Variants in TRPC6 observed in about 807,000 individuals in gnomAD.
TRPC6 encodes the protein transient receptor potential cation channel subfamily C member 6.
In TRPC6, 55 loss-of-function variants were observed where a neutral mutation model predicts 90.7. That is an observed-to-expected ratio of 0.61 (90% CI 0.49 to 0.76). TRPC6 has a LOEUF of 0.76. TRPC6 is among the 30% of genes least tolerant of loss of function. TRPC6 has a pLI of 0.00. For synonymous variants in TRPC6, 393 were observed against 393.0 expected (o/e 1.00, Z 0.00); for missense variants, 989 against 1,122.7 (o/e 0.88, Z 1.70).
chr11:101,512,187 G>A (rs61287419), intron 1 of TRPC6, among the ~76,000 whole-genome samples: 2 of 151,860 alleles, frequency 1.3e-5, no homozygotes, highest in East Asian at 1.9e-4. Context: ...TTCTCCTCAC[G>A]AACTCTTCTC....
At chr11:101,558,534 CA>C (rs71056631) in intron 1 of TRPC6, among the ~76,000 whole-genome samples, 109,515 of 109,660 alleles carry the variant, frequency 1, 54,685 homozygotes, top group East Asian at 1. Flanking sequence ...AAGCCCAGGA[CA>C]TGATTTATGT....
intron 10 of TRPC6, among the ~76,000 whole-genome samples, chr11:101,467,725 G>A (rs959249122): frequency 3.3e-5 from 5 of 152,110 alleles, no homozygotes; most frequent in African/African-American, 4.8e-5. Flanking sequence ...GCCACATATG[G>A]TCTCTCTCAC....
chr11:101,562,037 G>A (rs992853394), intron 1 of TRPC6, among the ~76,000 whole-genome samples: 1 of 151,990 alleles, frequency 6.6e-6, no homozygotes, highest in Non-Finnish European at 1.5e-5. Context: ...ACAAAAAGAT[G>A]GTGCTGGTTG....
chr11:101,518,731 C>T (rs2136772529), intron 1 of TRPC6, among the ~76,000 whole-genome samples: 1 of 152,278 alleles, frequency 6.6e-6, no homozygotes, highest in African/African-American at 2.4e-5. Context: ...AAAGAGGTAG[C>T]TGCACTCCCA....
chr11:101,529,706 G>A (rs746828105), intron 1 of TRPC6, among the ~76,000 whole-genome samples: 1 of 152,170 alleles, frequency 6.6e-6, no homozygotes, highest in East Asian at 1.9e-4. Context: ...ATCACAGTTG[G>A]CAGGATAATG....
At chr11:101,538,326 G>A (rs1861098309) in intron 1 of TRPC6, among the ~76,000 whole-genome samples, 1 of 152,052 alleles carries the variant, frequency 6.6e-6, no homozygotes, top group Non-Finnish European at 1.5e-5. Flanking sequence ...TGTGAAATTA[G>A]TTTCTTTGAA....
rs143235722 is a variant in TRPC6, at chr11:101,529,867, G to C, written c.171-25069C>G. 3.4e-3 allele frequency among the ~76,000 whole-genome samples: 517 copies of C among 152,306 alleles called. 6 individuals carry two copies. The highest frequency in any genetic ancestry group is 0.012 in the African/African-American group (496 of 41,574). ...AAAACCAAGGAGGCTCATTTTAATAGGGCAGGCCCACACTTGGGTGGCAAT... is the reference window on the plus strand; with the variant it reads ...AAAACCAAGGAGGCTCATTTTAATACGGCAGGCCCACACTTGGGTGGCAAT... On this transcript the variant is annotated intron_variant, in intron 1 of 12. Coordinates refer to ENST00000344327, the MANE Select transcript of TRPC6 (RefSeq NM_004621.6).
intron 1 of TRPC6, among the ~76,000 whole-genome samples, chr11:101,543,480 G>T (rs1861223381): frequency 6.6e-6 from 1 of 152,014 alleles, no homozygotes; most frequent in Admixed American, 6.6e-5. Flanking sequence ...TATACTATAA[G>T]GCTACAGTAA....
rs56275387 is a variant in TRPC6 at position 101,536,409 on chromosome 11, C to A, written c.171-31611G>T. On this transcript the variant is annotated intron_variant, in intron 1 of 12. Transcript: ENST00000344327. ...CCCCCAGCCCCTCCCTCCCCCCCAC[C>A]AAAAAAAAAGAAAGAAAAGAAAATG... Among the ~76,000 whole-genome samples the A allele has an allele frequency of 2.1e-3, 243 of 113,328 alleles. 3 individuals carry two copies. The highest frequency in any genetic ancestry group is 5.8e-3 in the African/African-American group (198 of 34,160). 74.3% of individuals were successfully genotyped at this position (113,328 alleles called of 152,430 possible).
intron 4 of TRPC6, among the ~76,000 whole-genome samples, chr11:101,488,181 C>T (rs189455748): frequency 4.2e-4 from 64 of 152,266 alleles, no homozygotes; most frequent in African/African-American, 1.4e-3. Context: ...GCTTCAAAAA[C>T]GTGAAGAATA....
intron 1 of TRPC6, among the ~76,000 whole-genome samples, chr11:101,509,123 G>A (rs1035162959): frequency 8.0e-5 from 11 of 137,830 alleles, no homozygotes; most frequent in Non-Finnish European, 1.2e-4. Context: ...GATGTAAGTT[G>A]TTTTGTCTTT....
intron 2 of TRPC6, among the ~76,000 whole-genome samples, chr11:101,497,979 AG>A (rs1315971812): frequency 6.6e-6 from 1 of 152,228 alleles, no homozygotes; most frequent in Non-Finnish European, 1.5e-5. Flanking sequence ...TCAAAAAAAG[AG>A]GGAATTAGAG....
intron 1 of TRPC6, among the ~76,000 whole-genome samples, chr11:101,569,532 C>G (rs1167408081): frequency 6.6e-6 from 1 of 152,188 alleles, no homozygotes; most frequent in East Asian, 1.9e-4. Context: ...TAGACATCTA[C>G]AGAACTCTCC....
intron 10 of TRPC6, 147 bp from the exon 11 acceptor site, chr11:101,455,248 C>T: frequency 1.5e-6 from 1 of 659,790 alleles, no homozygotes; most frequent in Non-Finnish European, 2.6e-6. Context: ...AGTATTCTGT[C>T]TTCCAAGACA....
At position 101,501,266 on chromosome 11, in the gene TRPC6, T is replaced by A. The variant is rs12804299; in HGVS notation, c.945+2758A>T. 4.1e-3 allele frequency among the ~76,000 whole-genome samples: 180 copies of A among 44,240 alleles called. 2 individuals are homozygous for A. Among genetic ancestry groups the A allele is most frequent in the African/African-American group, 7.3e-3 (55 of 7,586 alleles). The allele number at this position is 44,240 out of a possible 152,430, so 29.0% of individuals were successfully genotyped here. A position where few individuals can be genotyped will look rare whatever the true frequency, so the allele number is the denominator to read the frequency against. On this transcript the variant is annotated intron_variant, in intron 2 of 12. Coordinates refer to ENST00000344327, the MANE Select transcript of TRPC6 (RefSeq NM_004621.6). ...AGGGAGTTGACTATTTAAAAAGATT[T>A]TAAAAAAAAAGACTGAAAGGATATG...
Position 101,491,560 on chromosome 11 carries a change from T to C in TRPC6, c.1124A>G (p.Lys375Arg), listed in dbSNP as rs1319369598. 7 of 1,613,848 alleles carry C rather than the reference T, an allele frequency of 4.3e-6. No individual in the cohort carries two copies. In the East Asian group the frequency reaches 1.6e-4, roughly 36 times the overall value. The change falls in exon 3 of 13, where the codon AAA (lysine) becomes AGA (arginine). Residue 375 changes from lysine (K) to arginine (R), a missense_variant. Physicochemically the swap from Lys to Arg is conservative, Grantham distance 26. This residue lies in a region of TRPC6 where 486 missense variants were observed against 591.9 expected (regional missense o/e 0.82). Transcript: ENST00000344327. ...RLKLAIKYEV[K>R]KFVAHPNCQQ... ...GGGCTTCACGCCTGACCTTACTTTT[T>C]TTACTTCATATTTAATGGCAAGTTT...
At chr11:101,549,376 C>T (rs1226594027) in intron 1 of TRPC6, among the ~76,000 whole-genome samples, 4 of 140,424 alleles carry the variant, frequency 2.8e-5, no homozygotes, top group African/African-American at 1.1e-4. Flanking sequence ...CGCCATAAAG[C>T]AAAACAAACA....
chr11:101,484,777 A>C (rs1859637726), intron 4 of TRPC6, among the ~76,000 whole-genome samples: 1 of 152,170 alleles, frequency 6.6e-6, no homozygotes, highest in Non-Finnish European at 1.5e-5. Context: ...CATATACTTT[A>C]AATCATGCCG....
At chr11:101,549,836 ATAAT>A (rs145477588) in intron 1 of TRPC6, among the ~76,000 whole-genome samples, 3,933 of 151,614 alleles carry the variant, frequency 0.026, 101 homozygotes, top group African/African-American at 0.059. Flanking sequence ...TTTTTAAAAT[ATAAT>A]TAATAAAGCA....
Sources: allele counts gnomAD v4.1 joint callset (sites outside exome capture counted in the v4.1 genomes callset), GRCh38; gene constraint gnomAD v4.1.1; regional missense constraint gnomAD v4.1.1; transcripts MANE v1.5; gene names NCBI Gene and HGNC (gene_info 2026-07-23, HGNC 2026-07-21).